Variants in IFITM10 observed in about 807,000 individuals in gnomAD.
IFITM10 encodes the protein interferon induced transmembrane protein 10.
In IFITM10, 17 loss-of-function variants were observed where a neutral mutation model predicts 19.0. The ratio of observed to expected loss-of-function variants is 0.90; its 90% CI spans 0.61 to 1.34. The LOEUF (loss-of-function observed/expected upper bound fraction) is 1.34, where lower values mean the gene tolerates loss of function less well. Among genes scored for constraint, IFITM10 ranks in the 40% most tolerant of loss-of-function variants. The pLI is 0.00. For missense variants in IFITM10, 306 were observed against 319.8 expected, an observed-to-expected ratio of 0.96 and a Z score of 0.33; for synonymous variants, 148 against 147.2, an observed-to-expected ratio of 1.01 and a Z score of -0.04.
At chr11:1,750,247 A>AT in intron 1 of IFITM10, 112 bp downstream of exon 1, 2 of 1,529,050 alleles carry the variant, frequency 1.3e-6, no homozygotes, top group Admixed American at 2.0e-5. Flanking sequence ...TTCCATCCCC[A>AT]TAACAGTCCC....
chr11:1,734,922 A>G lies in IFITM10; in HGVS notation c.*358T>C, dbSNP rs1270593114. The G allele has an allele frequency of 3.5e-6, 1 of 282,250 alleles. No homozygotes were observed. The highest frequency in any genetic ancestry group is 2.2e-5 in the African/African-American group (1 of 45,732). 17.5% of individuals were successfully genotyped at this position (282,250 alleles called of 1,614,324 possible). The stretch of plus-strand genomic sequence containing the variant: ...TCCTCCCAACCTGGGACAATTTTGC[A>G]TAAGCCCTTCCTGCTAGGTGTCAGG... On this transcript the variant is annotated 3_prime_UTR_variant, in exon 3 of 3. Coordinates refer to ENST00000340134, the MANE Select transcript of IFITM10 (RefSeq NM_001170820.4).
intron 2 of IFITM10, among the ~76,000 whole-genome samples, chr11:1,736,207 G>A (rs1851085218): frequency 6.6e-6 from 1 of 152,232 alleles, no homozygotes; most frequent in Non-Finnish European, 1.5e-5. Context: ...GGGGCAAAAA[G>A]TCTTTGCCTT....
At chr11:1,744,891 G>A (rs543565309) in intron 2 of IFITM10, 9 of 152,402 alleles carry the variant, frequency 5.9e-5, no homozygotes, top group Admixed American at 5.9e-4. Context: ...CGCGTCCTTG[G>A]TGTAGGGTGC....
chr11:1,737,296 C>T (rs72850950), intron 2 of IFITM10, among the ~76,000 whole-genome samples: 10,099 of 152,290 alleles, frequency 0.066, 402 homozygotes, highest in Middle Eastern at 0.11. Flanking sequence ...GCTAAACTAT[C>T]ATATTGTACT....
In IFITM10 at chr11:1,747,790, C is replaced by T; in HGVS notation, c.414G>A (p.Thr138=). 1 of 1,551,292 alleles carries T rather than the reference C, an allele frequency of 6.4e-7. No individual in the cohort carries two copies. Among genetic ancestry groups the T allele is most frequent in the Non-Finnish European group, 8.7e-7 (1 of 1,146,626 alleles). The change falls in exon 2 of 3, where the codon ACG becomes ACA. Residue 138 remains threonine (T), a synonymous_variant. Coordinates refer to ENST00000340134, the MANE Select transcript of IFITM10 (RefSeq NM_001170820.4). ...LAEKKTMTNP[T]TVIEVYPDTT... is the part of the protein sequence containing the mutation. ...TGTCCGGGTAGACCTCGATGACGGT[C>T]GTGGGGTTGGTCATCGTCTTCTTCT...
Position 1,735,130 on chromosome 11 carries a change from G to T in IFITM10, c.*150C>A. On this transcript the variant is annotated 3_prime_UTR_variant, in exon 3 of 3. Coordinates refer to ENST00000340134, the MANE Select transcript of IFITM10 (RefSeq NM_001170820.4). ...TGCCCCCTTGCTGTACTCAGCTTCT[G>T]ATGGCCTTGCTGCCCAGTTCACAGC... The T allele has an allele frequency of 1.3e-6, 1 of 753,188 alleles. No homozygotes were observed. Among genetic ancestry groups the T allele is most frequent in the Non-Finnish European group, 2.1e-6 (1 of 473,926 alleles). 46.7% of individuals were successfully genotyped at this position (753,188 alleles called of 1,614,324 possible).
chr11:1,740,709 A>T (rs1845558170), intron 2 of IFITM10, among the ~76,000 whole-genome samples: 1 of 152,206 alleles, frequency 6.6e-6, no homozygotes, highest in Admixed American at 6.5e-5. Context: ...TATAAATTTG[A>T]GAAGCATCGG....
intron 1 of IFITM10, chr11:1,748,995 C>T (rs112274361): frequency 5.8e-6 from 6 of 1,033,170 alleles, no homozygotes; most frequent in Non-Finnish European, 7.1e-6. Flanking sequence ...GCCGCAGCCC[C>T]CCGGACGGCG....
intron 2 of IFITM10, among the ~76,000 whole-genome samples, chr11:1,741,369 A>G (rs866508469): frequency 6.6e-6 from 1 of 151,776 alleles, no homozygotes; most frequent in African/African-American, 2.4e-5. Context: ...AAGTACAAGC[A>G]GAGGTGGGAC....
At chr11:1,748,549 T>G in intron 1 of IFITM10, 1 of 163,088 alleles carries the variant, frequency 6.1e-6, no homozygotes, top group Non-Finnish European at 1.3e-5. Context: ...CCAAAGCACC[T>G]GCCCACGGCG....
At position 1,733,595 on chromosome 11, in the gene IFITM10, C is replaced by G. The variant is rs1375473584; in HGVS notation, c.*1685G>C. 1 of 152,634 alleles carries G rather than the reference C, an allele frequency of 6.6e-6. No individual in the cohort carries two copies. Among genetic ancestry groups the G allele is most frequent in the East Asian group, 1.9e-4 (1 of 5,162 alleles). 9.5% of individuals were successfully genotyped at this position (152,634 alleles called of 1,614,324 possible). ...CCATCTGCTGCTAGCTCAAGGTCCT[C>G]CCTTCTGAGGCACCCCACGTCTCCA... On this transcript the variant is annotated 3_prime_UTR_variant, in exon 3 of 3. Transcript: ENST00000340134. This position sits in a 1 kb window ranked among gnomAD's most constrained non-coding sequence, Gnocchi z 6.3.
intron 2 of IFITM10, among the ~76,000 whole-genome samples, chr11:1,736,230 C>G (rs1447510594): frequency 1.3e-5 from 2 of 152,132 alleles, no homozygotes; most frequent in Admixed American, 1.3e-4. Context: ...TAGATTGGAG[C>G]TGGGCTGAAA....
chr11:1,745,566 C>T (rs1845629908), intron 2 of IFITM10: 1 of 152,732 alleles, frequency 6.5e-6, no homozygotes, highest in Middle Eastern at 3.4e-3. Flanking sequence ...GTACCATGCA[C>T]ACTCACGTAT....
chr11:1,746,330 ACAGT>A (rs761254439), intron 2 of IFITM10: 34 of 382,434 alleles, frequency 8.9e-5, no homozygotes, highest in South Asian at 2.9e-4. Flanking sequence ...CTGCCTACAC[ACAGT>A]CATACACATG....
intron 2 of IFITM10, among the ~76,000 whole-genome samples, chr11:1,739,053 CAAAAAAAAAAAAAAAAAA>C (rs71025777): frequency 2.4e-5 from 1 of 42,106 alleles, no homozygotes; most frequent in Non-Finnish European, 3.7e-5. Flanking sequence ...GACTCCGTCT[CAAAAAAAAAAAAAAAAAA>C]AAAAAAAAAA....
Position 1,750,343 on chromosome 11 carries a change from G to T in IFITM10, c.84+16C>A. ...TTCACCACGCAGGTTCCCTGAGCTG[G>T]GTCCTCTTCACCAACCTCCAGCTCC... is the stretch of plus-strand genomic sequence containing the variant. On this transcript the variant is annotated intron_variant, in intron 1 of 2. Transcript: ENST00000340134. 6.5e-7 allele frequency: 1 copy of T among 1,550,192 alleles called. No individual in the cohort carries two copies. Among genetic ancestry groups the T allele is most frequent in the South Asian group, 1.2e-5 (1 of 84,034 alleles).
chr11:1,747,895 C>CA lies in IFITM10; in HGVS notation c.308dup (p.Phe104ValfsTer85). On this transcript the variant is annotated frameshift_variant, in exon 2 of 3. Coordinates refer to ENST00000340134, the MANE Select transcript of IFITM10 (RefSeq NM_001170820.4). LOFTEE classifies it high-confidence loss of function. ...TGCTGCTCTTGGACTCCATGGGGAA[C>CA]AGTGTGGGCGCCATCGGGGGAGAGG... is the stretch of plus-strand genomic sequence containing the variant. 3 of 1,520,224 alleles carry CA rather than the reference C, an allele frequency of 2.0e-6. No individual in the cohort carries two copies. Among genetic ancestry groups the CA allele is most frequent in the Non-Finnish European group, 1.8e-6 (2 of 1,129,918 alleles). The allele number at this position is 1,520,224 out of a possible 1,614,324, so 94.2% of individuals were successfully genotyped here. A position where few individuals can be genotyped will look rare whatever the true frequency, so the allele number is the denominator to read the frequency against.
intron 1 of IFITM10, chr11:1,749,138 G>A (rs1402186076): frequency 1.0e-6 from 1 of 998,060 alleles, no homozygotes; most frequent in Non-Finnish European, 1.2e-6. Context: ...TTGAGGGGGT[G>A]GGGAGCGCGC....
Position 1,750,500 on chromosome 11 carries a change from G to C in IFITM10, c.-58C>G. 1.3e-6 allele frequency: 2 copies of C among 1,546,746 alleles called. No homozygotes were observed. The highest frequency in any genetic ancestry group is 1.7e-6 in the Non-Finnish European group (2 of 1,144,548). On this transcript the variant is annotated 5_prime_UTR_variant, in exon 1 of 3. Coordinates refer to ENST00000340134, the MANE Select transcript of IFITM10 (RefSeq NM_001170820.4). ...CTTTCTCCTCTGCCACTCTCAACTG[G>C]CCTCCTGTGTCTCCGCAACCCTCTT...
Sources: gnomAD v4.1 joint callset for allele counts (sites outside exome capture counted in the v4.1 genomes callset) on GRCh38, gnomAD v4.1.1 for gene constraint, Gnocchi (gnomAD v3.1) non-coding constraint, MANE v1.5 for transcripts, NCBI Gene and HGNC (gene_info 2026-07-23, HGNC 2026-07-21) for gene names.